Variants in CTNNA2 observed in about 807,000 individuals in gnomAD.
CTNNA2 encodes the protein catenin alpha-2.
A neutral mutation model predicts 101.0 loss-of-function variants in CTNNA2; 42 were observed. The ratio of observed to expected loss-of-function variants is 0.42; its 90% CI spans 0.32 to 0.54. The LOEUF (loss-of-function observed/expected upper bound fraction) is 0.54, where lower values mean the gene tolerates loss of function less well. Ranked by LOEUF, CTNNA2 falls within the 20% of genes least tolerant of loss-of-function variation. The pLI, the probability that CTNNA2 is intolerant of heterozygous loss-of-function variation, is 0.14. For missense variants in CTNNA2, 871 were observed against 1,223.1 expected (o/e 0.71, Z 4.29); for synonymous variants, 450 against 456.4 (o/e 0.99, Z 0.18).
rs1047387144 is a variant in CTNNA2, at chr2:79,878,768, G to A, written c.852+4426G>A. On this transcript the variant is annotated intron_variant, in intron 6 of 18. Coordinates refer to ENST00000402739, the MANE Select transcript of CTNNA2 (RefSeq NM_001282597.3). The stretch of plus-strand genomic sequence containing the variant: ...GATTGTAAAAATTTTCTCCCATTCC[G>A]TAGATTGCCTGTTCACTCTGATGAT... 1.3e-4 allele frequency among the ~76,000 whole-genome samples: 20 copies of A among 152,202 alleles called. No individual in the cohort carries two copies. In the South Asian group the frequency reaches 1.7e-3, roughly 13 times the overall value.
At chr2:79,289,904 T>C (rs1031642135) in intron 2 of CTNNA2, among the ~76,000 whole-genome samples, 1 of 152,184 alleles carries the variant, frequency 6.6e-6, no homozygotes, top group Non-Finnish European at 1.5e-5. Flanking sequence ...ATTGCATTGC[T>C]TACTAGCTGG....
At position 80,303,016 on chromosome 2, in the gene CTNNA2, G is replaced by A; in HGVS notation, c.1057-90195G>A. The A allele has an allele frequency of 6.2e-7, 1 of 1,613,802 alleles. No individual in the cohort carries two copies. The highest frequency in any genetic ancestry group is 8.5e-7 in the Non-Finnish European group (1 of 1,179,990). ...CGAACACATGGGGCTCCATGTACTC[G>A]ATCTCGTTGCCCGACAAGTCCATTT... On this transcript the variant is annotated intron_variant, in intron 7 of 18. Coordinates refer to ENST00000402739, the MANE Select transcript of CTNNA2 (RefSeq NM_001282597.3). This position sits in a 1 kb window ranked among gnomAD's most constrained non-coding sequence, Gnocchi z 7.7.
In CTNNA2 at chr2:79,982,272, T is replaced by TAACACAC. The variant is rs1339079960; in HGVS notation, c.1056+72476_1056+72477insACACACA. 2.1e-4 allele frequency among the ~76,000 whole-genome samples: 29 copies of TAACACAC among 135,962 alleles called. 1 individual carries two copies. The highest frequency in any genetic ancestry group is 7.9e-4 in the African/African-American group (28 of 35,392). The allele number at this position is 135,962 out of a possible 152,430, so 89.2% of individuals were successfully genotyped here. Reference sequence around the variant, plus strand: ...TATATGTACACACACACATAACATATATATAATATATATAACATATATAAC... The same window carrying TAACACAC: ...TATATGTACACACACACATAACATATAACACACATATAATATATATAACATATATAAC... On this transcript the variant is annotated intron_variant, in intron 7 of 18. Coordinates refer to ENST00000402739, the MANE Select transcript of CTNNA2 (RefSeq NM_001282597.3).
intron 3 of CTNNA2, among the ~76,000 whole-genome samples, chr2:79,851,771 T>G (rs1680738294): frequency 8.5e-6 from 1 of 118,272 alleles, no homozygotes. Context: ...AGACAGAATC[T>G]CACTCTGTCG....
chr2:80,236,260 T>A (rs933505507), intron 7 of CTNNA2, among the ~76,000 whole-genome samples: 1 of 152,342 alleles, frequency 6.6e-6, no homozygotes, highest in South Asian at 2.1e-4. Flanking sequence ...TGAATAGTAC[T>A]TCACTGAACA....
chr2:79,824,096 CTT>C (rs1175318683), intron 3 of CTNNA2, among the ~76,000 whole-genome samples: 1 of 152,188 alleles, frequency 6.6e-6, no homozygotes, highest in Non-Finnish European at 1.5e-5. Context: ...ACAGCCCAGA[CTT>C]TATCTTTTTA....
intron 2 of CTNNA2, among the ~76,000 whole-genome samples, chr2:79,215,153 G>T (rs1368253891): frequency 6.6e-6 from 1 of 152,308 alleles, no homozygotes; most frequent in African/African-American, 2.4e-5. Context: ...GGCTCTGGGA[G>T]TGGCTGCCAG....
At chr2:80,238,930 A>AATAT (rs1709691672) in intron 7 of CTNNA2, among the ~76,000 whole-genome samples, 2 of 152,288 alleles carry the variant, frequency 1.3e-5, no homozygotes, top group South Asian at 4.1e-4. Context: ...TGGGAGGCTT[A>AATAT]ATATAGTCCG....
Position 80,101,252 on chromosome 2 carries a change from A to G in CTNNA2, c.1056+191455A>G, listed in dbSNP as rs926034942. Among the ~76,000 whole-genome samples, 47 of 152,336 alleles carry G rather than the reference A, an allele frequency of 3.1e-4. 1 individual carries two copies. The highest frequency in any genetic ancestry group is 1.1e-3 in the African/African-American group (44 of 41,584). On this transcript the variant is annotated intron_variant, in intron 7 of 18. Transcript: ENST00000402739. ...TTGATGCATTTCCATTTGATAATAC[A>G]TTCACAGTGAACATTCTAAAATGCT...
intron 3 of CTNNA2, among the ~76,000 whole-genome samples, chr2:79,826,804 T>C (rs553323855): frequency 2.6e-5 from 4 of 152,272 alleles, no homozygotes; most frequent in Non-Finnish European, 5.9e-5. Context: ...GGAAAGAGAA[T>C]AGTGGCTTAT....
chr2:80,269,198 G>T (rs989609605), intron 7 of CTNNA2, among the ~76,000 whole-genome samples: 1 of 152,168 alleles, frequency 6.6e-6, no homozygotes, highest in African/African-American at 2.4e-5. Context: ...ATCCCCACGT[G>T]TGGTGGCAGG....
At chr2:79,793,893 C>T (rs1675484463) in intron 3 of CTNNA2, among the ~76,000 whole-genome samples, 1 of 148,786 alleles carries the variant, frequency 6.7e-6, no homozygotes, top group Non-Finnish European at 1.5e-5. Flanking sequence ...CTCATGCACA[C>T]ACACACACAC....
At chr2:80,274,377 C>G (rs1012379745) in intron 7 of CTNNA2, among the ~76,000 whole-genome samples, 1 of 152,118 alleles carries the variant, frequency 6.6e-6, no homozygotes, top group African/African-American at 2.4e-5. Context: ...GCTGGAGCTC[C>G]CACGTTATTC....
intron 6 of CTNNA2, among the ~76,000 whole-genome samples, chr2:79,877,638 A>G (rs796963425): frequency 5.9e-5 from 9 of 152,260 alleles, no homozygotes; most frequent in African/African-American, 2.2e-4. Flanking sequence ...AAACAAATTG[A>G]TATTTCATTG....
intron 1 of CTNNA2, among the ~76,000 whole-genome samples, chr2:79,580,012 A>C (rs1558745772): frequency 6.6e-6 from 1 of 152,160 alleles, no homozygotes. Context: ...CTTCTCTTGG[A>C]TGTTACCACA....
intron 2 of CTNNA2, among the ~76,000 whole-genome samples, chr2:79,724,326 C>T (rs1267765925): frequency 1.3e-5 from 2 of 151,654 alleles, no homozygotes; most frequent in East Asian, 3.9e-4. Context: ...ACAAGAAGAC[C>T]CCAAAATGCG....
chr2:80,371,777 A>G (rs1220885496), intron 7 of CTNNA2, among the ~76,000 whole-genome samples: 1 of 152,180 alleles, frequency 6.6e-6, no homozygotes. Context: ...GTTGGAGAGC[A>G]AACCTGAAGT....
Position 79,823,628 on chromosome 2 carries a change from T to G in CTNNA2, c.299-34385T>G, listed in dbSNP as rs568952115. Among the ~76,000 whole-genome samples, 95 of 152,314 alleles carry G rather than the reference T, an allele frequency of 6.2e-4. 3 individuals carry two copies. The South Asian group carries it at 0.019, about 31-fold the overall frequency. ...AAAATAGAGATAGAAACTTAAAAATTCGTAGATTCTGTGGTCAAACTCTAT... is the reference window on the plus strand; with the variant it reads ...AAAATAGAGATAGAAACTTAAAAATGCGTAGATTCTGTGGTCAAACTCTAT... On this transcript the variant is annotated intron_variant, in intron 3 of 18. Coordinates refer to ENST00000402739, the MANE Select transcript of CTNNA2 (RefSeq NM_001282597.3).
chr2:79,297,061 T>A (rs1675995904), intron 2 of CTNNA2, among the ~76,000 whole-genome samples: 1 of 152,150 alleles, frequency 6.6e-6, no homozygotes, highest in Non-Finnish European at 1.5e-5. Context: ...TTGATACTGA[T>A]CTCTGCCCCT....
Sources: allele counts gnomAD v4.1 joint callset (sites outside exome capture counted in the v4.1 genomes callset), GRCh38; gene constraint gnomAD v4.1.1; non-coding constraint Gnocchi (gnomAD v3.1); transcripts MANE v1.5; gene names NCBI Gene and HGNC (gene_info 2026-07-23, HGNC 2026-07-21).